Variants in RASAL2 observed in about 807,000 individuals in gnomAD.
The protein encoded by RASAL2 is ras GTPase-activating protein nGAP.
In RASAL2, 58 loss-of-function variants were observed where a neutral mutation model predicts 128.9. That is an observed-to-expected ratio of 0.45 (90% CI 0.36 to 0.56). RASAL2 has a LOEUF of 0.56. Ranked by LOEUF, RASAL2 falls within the 20% of genes least tolerant of loss-of-function variation. The pLI, the probability that RASAL2 is intolerant of heterozygous loss-of-function variation, is 0.00. For missense variants in RASAL2, 1,360 were observed against 1,601.6 expected, an observed-to-expected ratio of 0.85 and a Z score of 2.57; for synonymous variants, 561 against 580.8, an observed-to-expected ratio of 0.97 and a Z score of 0.49.
chr1:178,381,868 T>G (rs897848373), intron 3 of RASAL2, among the ~76,000 whole-genome samples: 4 of 152,112 alleles, frequency 2.6e-5, no homozygotes, highest in Non-Finnish European at 5.9e-5. Flanking sequence ...AATAAAGGTG[T>G]TAGGCCCTAT....
chr1:178,372,415 T>G, intron 3 of RASAL2: 1 of 911,330 alleles, frequency 1.1e-6, no homozygotes, highest in Non-Finnish European at 1.3e-6. Flanking sequence ...AATCCACTTT[T>G]GTATTTTTAA....
At chr1:178,410,015 T>A (rs548242381) in intron 4 of RASAL2, among the ~76,000 whole-genome samples, 1 of 152,146 alleles carries the variant, frequency 6.6e-6, no homozygotes, top group East Asian at 1.9e-4. Context: ...TTATTTTGGA[T>A]AGCTAATCAT....
intron 7 of RASAL2, among the ~76,000 whole-genome samples, chr1:178,441,930 A>G (rs1273041109): frequency 2.6e-5 from 4 of 152,116 alleles, no homozygotes; most frequent in Non-Finnish European, 5.9e-5. Flanking sequence ...GCCTCAGGAA[A>G]CTTACAGTCA....
chr1:178,336,576 C>CATAATTATGTGTGTGTATGTATATGT (rs1437883208), intron 3 of RASAL2, among the ~76,000 whole-genome samples: 19 of 151,764 alleles, frequency 1.3e-4, no homozygotes, highest in Non-Finnish European at 2.5e-4. Flanking sequence ...GTAAGCCTAA[C>CATAATTATGTGTGTGTATGTATATGT]ATAATTATGT....
At chr1:178,291,784 C>T (rs1667288755) in intron 2 of RASAL2, among the ~76,000 whole-genome samples, 1 of 152,170 alleles carries the variant, frequency 6.6e-6, no homozygotes, top group Admixed American at 6.5e-5. Context: ...CACCTGGAAT[C>T]CCAGCACTTT....
chr1:178,423,080 T>A (rs1466834685), intron 5 of RASAL2, among the ~76,000 whole-genome samples: 1 of 152,122 alleles, frequency 6.6e-6, no homozygotes, highest in Non-Finnish European at 1.5e-5. Context: ...CTTTGTGACT[T>A]GCTTTTTAGT....
At chr1:178,420,463 CA>C (rs1231729958) in intron 4 of RASAL2, 47 bp from the exon 5 acceptor site, 1 of 1,269,974 alleles carries the variant, frequency 7.9e-7, no homozygotes, top group African/African-American at 1.5e-5. Context: ...GGACGAGTAA[CA>C]TTCCCTTTTG....
At chr1:178,098,991 G>C (rs1658792837) in intron 1 of RASAL2, among the ~76,000 whole-genome samples, 1 of 152,186 alleles carries the variant, frequency 6.6e-6, no homozygotes, top group Non-Finnish European at 1.5e-5. Context: ...GAGCTGATGA[G>C]ACAGAAGTCA....
At chr1:178,353,484 A>G (rs943774641) in intron 3 of RASAL2, among the ~76,000 whole-genome samples, 1 of 152,178 alleles carries the variant, frequency 6.6e-6, no homozygotes, top group Non-Finnish European at 1.5e-5. Context: ...CCTGGACTTC[A>G]CTGTTTATAT....
intron 1 of RASAL2, among the ~76,000 whole-genome samples, chr1:178,188,263 C>G (rs1340752074): frequency 2.0e-5 from 3 of 152,146 alleles, no homozygotes; most frequent in African/African-American, 7.2e-5. Flanking sequence ...TCTCAGTCTC[C>G]CTAAACTCCC....
chr1:178,168,731 C>T (rs1661600450), intron 1 of RASAL2, among the ~76,000 whole-genome samples: 1 of 152,084 alleles, frequency 6.6e-6, no homozygotes, highest in African/African-American at 2.4e-5. Context: ...GGACTGTCTG[C>T]ACCATCACAT....
At chr1:178,243,387 C>G (rs1664606805) in intron 1 of RASAL2, among the ~76,000 whole-genome samples, 1 of 151,976 alleles carries the variant, frequency 6.6e-6, no homozygotes, top group Non-Finnish European at 1.5e-5. Context: ...TTGGCAGGAC[C>G]TCCCAGCCTG....
At chr1:178,349,432 TAAAG>T (rs1049009128) in intron 3 of RASAL2, among the ~76,000 whole-genome samples, 2 of 151,774 alleles carry the variant, frequency 1.3e-5, no homozygotes, top group Non-Finnish European at 2.9e-5. Flanking sequence ...CCAAATAAAA[TAAAG>T]AAAGTTCACC....
intron 1 of RASAL2, among the ~76,000 whole-genome samples, chr1:178,234,060 T>TA (rs1379993993): frequency 6.6e-6 from 1 of 152,218 alleles, no homozygotes; most frequent in Non-Finnish European, 1.5e-5. Context: ...TTTAATGACT[T>TA]ATAGTAATAG....
At chr1:178,396,114 T>C (rs1571996525) in intron 4 of RASAL2, among the ~76,000 whole-genome samples, 1 of 151,896 alleles carries the variant, frequency 6.6e-6, no homozygotes, top group Admixed American at 6.6e-5. Flanking sequence ...GGGAGCAGGC[T>C]TGGTTAGGAA....
chr1:178,461,761 G>A (rs72707032), intron 14 of RASAL2, among the ~76,000 whole-genome samples: 170 of 152,176 alleles, frequency 1.1e-3, no homozygotes, highest in South Asian at 4.6e-3. Context: ...TAATTTATTC[G>A]GCCCTTTCTT....
At chr1:178,373,133 C>T (rs1004396690) in intron 3 of RASAL2, among the ~76,000 whole-genome samples, 2 of 151,814 alleles carry the variant, frequency 1.3e-5, no homozygotes, top group Non-Finnish European at 2.9e-5. Context: ...CTAATTTATT[C>T]CTCATGAATA....
At chr1:178,220,647 A>C (rs1663583034) in intron 1 of RASAL2, among the ~76,000 whole-genome samples, 1 of 152,220 alleles carries the variant, frequency 6.6e-6, no homozygotes, top group East Asian at 1.9e-4. Flanking sequence ...AAAATGAGAT[A>C]TGCCTGTAGT....
intron 1 of RASAL2, among the ~76,000 whole-genome samples, chr1:178,121,765 C>T (rs953025945): frequency 6.6e-6 from 1 of 152,160 alleles, no homozygotes; most frequent in African/African-American, 2.4e-5. Flanking sequence ...GGATTACAGG[C>T]ATGAGCCACC....
Sources: gnomAD v4.1 joint callset for allele counts (sites outside exome capture counted in the v4.1 genomes callset) on GRCh38, gnomAD v4.1.1 for gene constraint, MANE v1.5 for transcripts, NCBI Gene and HGNC (gene_info 2026-07-23, HGNC 2026-07-21) for gene names.